Variants in TGFA observed in about 807,000 individuals in gnomAD.
TGFA encodes protransforming growth factor alpha.
A neutral mutation model predicts 21.7 loss-of-function variants in TGFA; 12 were observed. The observed-to-expected ratio is 0.55, with a 90% CI of 0.35 to 0.90. TGFA has a LOEUF of 0.90. Among genes scored for constraint, TGFA ranks in the 40% least tolerant of loss-of-function variants. The pLI, the probability that TGFA is intolerant of heterozygous loss-of-function variation, is 0.01. For synonymous variants in TGFA, 79 were observed against 88.1 expected (o/e 0.90, Z 0.58); for missense variants, 178 against 210.8 (o/e 0.84, Z 0.96).
intron 5 of TGFA, among the ~76,000 whole-genome samples, chr2:70,452,171 G>A (rs1259793889): frequency 6.6e-6 from 1 of 152,160 alleles, no homozygotes; most frequent in Non-Finnish European, 1.5e-5. Flanking sequence ...ACTAGGGAAG[G>A]ACACCTCTGG....
chr2:70,525,339 A>AT (rs1672601326), intron 1 of TGFA, among the ~76,000 whole-genome samples: 1 of 152,140 alleles, frequency 6.6e-6, no homozygotes, highest in African/African-American at 2.4e-5. Context: ...GAAGTAGGGG[A>AT]TGGGGGAAGG....
At chr2:70,540,719 G>A (rs1673109894) in intron 1 of TGFA, among the ~76,000 whole-genome samples, 1 of 152,118 alleles carries the variant, frequency 6.6e-6, no homozygotes. Flanking sequence ...TACACTTTTA[G>A]TAAACCTAAA....
chr2:70,544,218 T>A (rs1279885420), intron 1 of TGFA, among the ~76,000 whole-genome samples: 8 of 151,928 alleles, frequency 5.3e-5, no homozygotes, highest in African/African-American at 1.9e-4. Context: ...CCATGAAAAA[T>A]ACAAGGATAT....
At chr2:70,500,056 A>C (rs577528191) in intron 2 of TGFA, among the ~76,000 whole-genome samples, 5 of 152,340 alleles carry the variant, frequency 3.3e-5, no homozygotes, top group Admixed American at 1.3e-4. Flanking sequence ...TATCGATAAG[A>C]TATTCAGTTT....
At chr2:70,466,557 C>A (rs1310856253) in intron 2 of TGFA, among the ~76,000 whole-genome samples, 1 of 151,926 alleles carries the variant, frequency 6.6e-6, no homozygotes, top group Admixed American at 6.6e-5. Flanking sequence ...CAAAAAAACC[C>A]AACACAAATA....
chr2:70,537,196 C>G (rs1294541988), intron 1 of TGFA, among the ~76,000 whole-genome samples: 3 of 152,088 alleles, frequency 2.0e-5, no homozygotes, highest in Non-Finnish European at 4.4e-5. Context: ...CCGTAGAAGA[C>G]AGCAAACTTA....
chr2:70,465,437 G>A (rs901583105), intron 3 of TGFA, among the ~76,000 whole-genome samples, 179 bp downstream of exon 3: 3 of 152,130 alleles, frequency 2.0e-5, no homozygotes, highest in Non-Finnish European at 4.4e-5. Flanking sequence ...TTGGAACCTG[G>A]ATTTTTAGAC....
At chr2:70,500,992 G>A (rs78153542) in intron 2 of TGFA, among the ~76,000 whole-genome samples, 9,404 of 151,242 alleles carry the variant, frequency 0.062, 346 homozygotes, top group Middle Eastern at 0.1. Context: ...AAAAATTGCA[G>A]AGACTGATGT....
intron 2 of TGFA, among the ~76,000 whole-genome samples, chr2:70,511,736 A>T (rs1444349097): frequency 6.6e-6 from 1 of 152,152 alleles, no homozygotes; most frequent in Non-Finnish European, 1.5e-5. Context: ...AATTAGAAAG[A>T]TAGGGAGAAT....
At chr2:70,480,595 C>T (rs782723210) in intron 2 of TGFA, among the ~76,000 whole-genome samples, 1 of 152,082 alleles carries the variant, frequency 6.6e-6, no homozygotes, top group Non-Finnish European at 1.5e-5. Flanking sequence ...ACATTATATG[C>T]CCACATGGTG....
intron 2 of TGFA, among the ~76,000 whole-genome samples, chr2:70,511,034 T>C (rs1224355883): frequency 6.6e-6 from 1 of 152,196 alleles, no homozygotes; most frequent in Admixed American, 6.5e-5. Context: ...CATGCTCTTT[T>C]GAGCCCATTT....
chr2:70,468,174 C>T (rs1187224579), intron 2 of TGFA, among the ~76,000 whole-genome samples: 2 of 152,218 alleles, frequency 1.3e-5, no homozygotes, highest in African/African-American at 4.8e-5. Flanking sequence ...AAGTAATCCC[C>T]CCATACATTC....
intron 2 of TGFA, among the ~76,000 whole-genome samples, chr2:70,472,153 C>G (rs983522562): frequency 6.6e-6 from 1 of 152,122 alleles, no homozygotes; most frequent in Non-Finnish European, 1.5e-5. Flanking sequence ...AGGAAGGTGG[C>G]AAAGGCCAGC....
intron 1 of TGFA, among the ~76,000 whole-genome samples, chr2:70,550,084 T>C (rs1471024388): frequency 6.6e-6 from 1 of 152,246 alleles, no homozygotes; most frequent in African/African-American, 2.4e-5. Context: ...CCCTCAGTCC[T>C]GACTTAAACA....
chr2:70,473,680 G>A (rs1361034823), intron 2 of TGFA, among the ~76,000 whole-genome samples: 1 of 134,972 alleles, frequency 7.4e-6, no homozygotes, highest in Non-Finnish European at 1.5e-5. Flanking sequence ...TGCTGTCTTA[G>A]AGGGGGGTGT....
At chr2:70,536,885 T>G (rs781892433) in intron 1 of TGFA, among the ~76,000 whole-genome samples, 4 of 152,204 alleles carry the variant, frequency 2.6e-5, no homozygotes, top group Non-Finnish European at 5.9e-5. Context: ...TATCTGAAAA[T>G]TAGTCATCCA....
In TGFA at chr2:70,456,323, G is replaced by A. The variant is rs782087164; in HGVS notation, c.365+16C>T. The A allele has an allele frequency of 8.4e-6, 13 of 1,541,070 alleles. No individual in the cohort carries two copies. The South Asian group carries it at 1.3e-4, about 16-fold the overall frequency. On this transcript the variant is annotated intron_variant, in intron 4 of 5. Coordinates refer to ENST00000295400, the MANE Select transcript of TGFA (RefSeq NM_003236.4). ...GGTGGGCAGGGGACCTGGCCTTAGG[G>A]GCAGCAAGTACTCACTGTATCAGCA...
chr2:70,471,067 A>T (rs532983954), intron 2 of TGFA, among the ~76,000 whole-genome samples: 27 of 152,098 alleles, frequency 1.8e-4, no homozygotes, highest in African/African-American at 5.8e-4. Context: ...CATGCACCTA[A>T]ACTTACTCTT....
At chr2:70,468,046 TGTTAA>T (rs1559104112) in intron 2 of TGFA, among the ~76,000 whole-genome samples, 1 of 152,146 alleles carries the variant, frequency 6.6e-6, no homozygotes, top group Non-Finnish European at 1.5e-5. Context: ...AGGTAATGCT[TGTTAA>T]GTTCTGTACT....
Sources: gnomAD v4.1 joint callset for allele counts (sites outside exome capture counted in the v4.1 genomes callset) on GRCh38, gnomAD v4.1.1 for gene constraint, MANE v1.5 for transcripts, NCBI Gene and HGNC (gene_info 2026-07-23, HGNC 2026-07-21) for gene names.